The following DOCK8 variants were observed in gnomAD, a reference collection of about 807,000 sequenced individuals.
The protein encoded by DOCK8 is dedicator of cytokinesis 8, also known as dedicator of cytokinesis protein 8.
In DOCK8, 141 loss-of-function variants were observed where a neutral mutation model predicts 245.6. The ratio of observed to expected loss-of-function variants is 0.57; its 90% CI spans 0.50 to 0.66. The LOEUF is 0.66. Among genes scored for constraint, DOCK8 ranks in the 30% least tolerant of loss-of-function variants. The probability of loss-of-function intolerance (pLI) is 0.00; values close to 1 mark genes in which losing one functional copy is unlikely to be tolerated. For synonymous variants in DOCK8, 1,168 were observed against 970.2 expected (o/e 1.20, Z -3.79); for missense variants, 2,965 against 2,603.4 (o/e 1.14, Z -3.02).
chr9:353,680 A>T (rs933039011), intron 14 of DOCK8, among the ~76,000 whole-genome samples: 4 of 152,176 alleles, frequency 2.6e-5, no homozygotes, highest in Admixed American at 6.5e-5. Context: ...GGCCTCAAAA[A>T]AAAAGAAAAA....
At chr9:347,980 ATATTG>A (rs2051987546) in intron 14 of DOCK8, among the ~76,000 whole-genome samples, 2 of 152,154 alleles carry the variant, frequency 1.3e-5, no homozygotes, top group African/African-American at 4.8e-5. Context: ...AGTAGGACAC[ATATTG>A]TATTTTTTGC....
chr9:282,248 A>T (rs2048619401), intron 2 of DOCK8, among the ~76,000 whole-genome samples: 1 of 152,064 alleles, frequency 6.6e-6, no homozygotes, highest in East Asian at 1.9e-4. Context: ...AGTATGCCCT[A>T]CCCAGTAGAT....
chr9:393,422 C>A (rs2054296257), intron 24 of DOCK8, among the ~76,000 whole-genome samples: 1 of 152,208 alleles, frequency 6.6e-6, no homozygotes, highest in African/African-American at 2.4e-5. Flanking sequence ...TTTAAAGCAT[C>A]ATCTAATGTA....
chr9:390,192 C>T (rs998424492), intron 23 of DOCK8, among the ~76,000 whole-genome samples: 2 of 152,064 alleles, frequency 1.3e-5, no homozygotes, highest in African/African-American at 4.8e-5. Flanking sequence ...ATGTTTCCCC[C>T]GTAGAATAGA....
At chr9:220,878 G>A (rs1030825882) in intron 1 of DOCK8, 11 of 273,858 alleles carry the variant, frequency 4.0e-5, no homozygotes, top group South Asian at 2.9e-4. Flanking sequence ...GCACCACCAC[G>A]CCCGGCTAAT....
chr9:399,283 C>G, intron 26 of DOCK8, 24 bp downstream of exon 26: 1 of 1,511,168 alleles, frequency 6.6e-7, no homozygotes, highest in Non-Finnish European at 9.0e-7. Context: ...CCACCCCCAC[C>G]CCCGAGCGAG....
Position 405,004 on chromosome 9 carries a change from C to T in DOCK8, c.3321C>T (p.Leu1107=). ...TCCTCTGTAGCCATGAGCATTACCT[C>T]AATCTGAACCTTTTTTTTATGAATG... ...LRILCSHEHY[L]NLNLFFMNAD... Residue 1107 remains leucine (L), a synonymous_variant, in exon 27 of 48, where the codon CTC becomes CTT. Coordinates refer to ENST00000432829, the MANE Select transcript of DOCK8 (RefSeq NM_203447.4). 6.2e-7 allele frequency: 1 copy of T among 1,614,018 alleles called. No homozygotes were observed. Among genetic ancestry groups the T allele is most frequent in the Non-Finnish European group, 8.5e-7 (1 of 1,179,928 alleles).
At chr9:247,811 A>G (rs2047541293) in intron 1 of DOCK8, among the ~76,000 whole-genome samples, 1 of 152,148 alleles carries the variant, frequency 6.6e-6, no homozygotes, top group Admixed American at 6.5e-5. Flanking sequence ...TGCTGGGATT[A>G]TGGCAGAGAA....
rs12339626 is a variant in DOCK8 at position 367,916 on chromosome 9, G to A, written c.1680-102G>A. 3.2e-3 allele frequency: 3,080 copies of A among 974,806 alleles called. 51 individuals are homozygous for A. The African/African-American group carries it at 0.043, about 14-fold the overall frequency. The allele number at this position is 974,806 out of a possible 1,614,324, so 60.4% of individuals were successfully genotyped here. On this transcript the variant is annotated intron_variant, in intron 14 of 47. Coordinates refer to ENST00000432829, the MANE Select transcript of DOCK8 (RefSeq NM_203447.4). ...CACTTCTGAGAGGAAAAACTTCTTT[G>A]GAAAAAGCACCCCATGAATGGAAGT...
chr9:242,266 C>T (rs936876707), intron 1 of DOCK8, among the ~76,000 whole-genome samples: 7 of 152,128 alleles, frequency 4.6e-5, no homozygotes, highest in African/African-American at 1.7e-4. Flanking sequence ...GACTGCTGTG[C>T]TCCAACCCAA....
intron 44 of DOCK8, among the ~76,000 whole-genome samples, 174 bp from the exon 45 acceptor site, chr9:449,610 A>G (rs546332712): frequency 6.6e-6 from 1 of 152,332 alleles, no homozygotes; most frequent in Non-Finnish European, 1.5e-5. Context: ...TAAGGAATCA[A>G]GAAATGTTAG....
At chr9:459,716 C>G (rs2057745798) in intron 46 of DOCK8, 1 of 152,214 alleles carries the variant, frequency 6.6e-6, no homozygotes, top group Non-Finnish European at 1.5e-5. Flanking sequence ...CTTGAATTAC[C>G]TGAATGCTTC....
At chr9:430,152 A>G (rs1280439156) in intron 36 of DOCK8, among the ~76,000 whole-genome samples, 1 of 152,198 alleles carries the variant, frequency 6.6e-6, no homozygotes, top group Non-Finnish European at 1.5e-5. Flanking sequence ...AGGTGAGTGG[A>G]TCATTTGAAG....
chr9:259,920 C>T (rs1346242790), intron 1 of DOCK8, among the ~76,000 whole-genome samples: 1 of 152,234 alleles, frequency 6.6e-6, no homozygotes, highest in Non-Finnish European at 1.5e-5. Flanking sequence ...GGAATGACCA[C>T]TGGTGCTCAG....
chr9:281,856 G>C (rs895484411), intron 2 of DOCK8, among the ~76,000 whole-genome samples: 1 of 152,216 alleles, frequency 6.6e-6, no homozygotes, highest in African/African-American at 2.4e-5. Flanking sequence ...CATTTGGAAT[G>C]ACCAGTTTCC....
At chr9:400,062 CTTCACCATCACCAT>C (rs2054723547) in intron 26 of DOCK8, among the ~76,000 whole-genome samples, 4 of 91,026 alleles carry the variant, frequency 4.4e-5, no homozygotes, top group African/African-American at 6.5e-5. Flanking sequence ...TCACCACCTC[CTTCACCATCACCAT>C]CACCACCACC....
intron 24 of DOCK8, among the ~76,000 whole-genome samples, chr9:393,368 A>G (rs566851535): frequency 5.3e-5 from 8 of 152,328 alleles, no homozygotes; most frequent in African/African-American, 1.9e-4. Flanking sequence ...CATCAAAACT[A>G]CTGAGCATCT....
intron 1 of DOCK8, among the ~76,000 whole-genome samples, chr9:221,194 A>G (rs987934062): frequency 3.3e-5 from 5 of 152,184 alleles, no homozygotes; most frequent in African/African-American, 1.2e-4. Context: ...ACAAGACATT[A>G]TGTCATGTCC....
At chr9:291,784 C>T (rs675634) in intron 4 of DOCK8, among the ~76,000 whole-genome samples, 137,670 of 151,284 alleles carry the variant, frequency 0.91, 62,708 homozygotes, top group Admixed American at 0.93. Flanking sequence ...AACATTATGC[C>T]GGGCGCAGTG....
Sources: allele counts gnomAD v4.1 joint callset (sites outside exome capture counted in the v4.1 genomes callset), GRCh38; gene constraint gnomAD v4.1.1; transcripts MANE v1.5; gene names NCBI Gene and HGNC (gene_info 2026-07-23, HGNC 2026-07-21).